The following RBMS1 variants were observed in gnomAD, a reference collection of about 807,000 sequenced individuals.
RBMS1 encodes RNA binding motif single stranded interacting protein 1.
In RBMS1, 17 loss-of-function variants were observed where a neutral mutation model predicts 62.3. The observed-to-expected ratio is 0.27, with a 90% CI of 0.19 to 0.41. The LOEUF (loss-of-function observed/expected upper bound fraction) is 0.41. Among genes scored for constraint, RBMS1 ranks in the 10% least tolerant of loss-of-function variants. The pLI, the probability that RBMS1 is intolerant of heterozygous loss-of-function variation, is 1.00. For synonymous variants in RBMS1, 172 were observed against 170.0 expected (o/e 1.01, Z -0.09); for missense variants, 334 against 504.5 (o/e 0.66, Z 3.24).
chr2:160,478,671 C>A (rs1685238435), intron 1 of RBMS1, among the ~76,000 whole-genome samples: 1 of 152,104 alleles, frequency 6.6e-6, no homozygotes, highest in Non-Finnish European at 1.5e-5. Context: ...ATCCCAATTT[C>A]TCCTGTATTT....
intron 1 of RBMS1, among the ~76,000 whole-genome samples, chr2:160,376,392 C>T (rs1048570068): frequency 1.3e-5 from 2 of 152,094 alleles, no homozygotes; most frequent in African/African-American, 4.8e-5. Flanking sequence ...TGCAATCTCC[C>T]CATAATAATA....
chr2:160,383,456 G>T (rs997009925), intron 1 of RBMS1, among the ~76,000 whole-genome samples: 4 of 148,232 alleles, frequency 2.7e-5, no homozygotes, highest in African/African-American at 9.8e-5. Flanking sequence ...CATGAATTGG[G>T]GGGGGGGGAA....
chr2:160,460,739 T>C (rs1340656316), intron 1 of RBMS1, among the ~76,000 whole-genome samples: 1 of 152,230 alleles, frequency 6.6e-6, no homozygotes, highest in Non-Finnish European at 1.5e-5. Flanking sequence ...CACTGATATA[T>C]CTTATTCTGG....
At chr2:160,388,317 C>T (rs1694686820) in intron 1 of RBMS1, among the ~76,000 whole-genome samples, 1 of 152,128 alleles carries the variant, frequency 6.6e-6, no homozygotes, top group South Asian at 2.1e-4. Context: ...TCCAGGTAAC[C>T]CAGATAGCCT....
intron 1 of RBMS1, among the ~76,000 whole-genome samples, chr2:160,394,211 A>G (rs1319242946): frequency 6.6e-6 from 1 of 152,202 alleles, no homozygotes; most frequent in Non-Finnish European, 1.5e-5. Context: ...ATAACAAAGG[A>G]TGATCAAGTG....
At chr2:160,339,677 CGTGT>C (rs1691763224) in intron 2 of RBMS1, among the ~76,000 whole-genome samples, 1 of 150,430 alleles carries the variant, frequency 6.6e-6, no homozygotes, top group African/African-American at 2.4e-5. Context: ...TCTTTACATA[CGTGT>C]GTGTGAGAGA....
intron 1 of RBMS1, among the ~76,000 whole-genome samples, chr2:160,406,968 T>C (rs1380816323): frequency 6.6e-6 from 1 of 152,080 alleles, no homozygotes; most frequent in Non-Finnish European, 1.5e-5. Context: ...CCTGTTTCTT[T>C]CTCTTTTTTT....
chr2:160,354,734 T>C (rs1243985078), intron 2 of RBMS1, among the ~76,000 whole-genome samples: 1 of 152,106 alleles, frequency 6.6e-6, no homozygotes, highest in Admixed American at 6.6e-5. Flanking sequence ...CATGTGACAC[T>C]TAACAGAGGC....
intron 2 of RBMS1, among the ~76,000 whole-genome samples, chr2:160,334,093 A>G (rs1691430821): frequency 6.6e-6 from 1 of 152,184 alleles, no homozygotes; most frequent in African/African-American, 2.4e-5. Context: ...ATTCTTTCTA[A>G]TGAGGAAATC....
At chr2:160,379,227 A>G (rs898201134) in intron 1 of RBMS1, among the ~76,000 whole-genome samples, 1 of 152,184 alleles carries the variant, frequency 6.6e-6, no homozygotes, top group African/African-American at 2.4e-5. Context: ...GTCTTAAAAA[A>G]AAAAAAAAAA....
At chr2:160,373,412 C>T (rs1693836045) in intron 1 of RBMS1, among the ~76,000 whole-genome samples, 1 of 152,130 alleles carries the variant, frequency 6.6e-6, no homozygotes. Context: ...CTTCCAGATC[C>T]CATCAAGACA....
At chr2:160,282,870 A>G (rs1009665164) in intron 9 of RBMS1, 5 of 152,322 alleles carry the variant, frequency 3.3e-5, no homozygotes, top group African/African-American at 1.2e-4. Flanking sequence ...CACTGACCCT[A>G]CTAGGTCCCT....
intron 1 of RBMS1, among the ~76,000 whole-genome samples, chr2:160,455,555 T>C (rs546519733): frequency 6.6e-6 from 1 of 152,324 alleles, no homozygotes; most frequent in Admixed American, 6.5e-5. Flanking sequence ...TACTATTTAC[T>C]GCTTGGGAGG....
At chr2:160,333,632 C>T (rs920596008) in intron 2 of RBMS1, among the ~76,000 whole-genome samples, 1 of 152,156 alleles carries the variant, frequency 6.6e-6, no homozygotes, top group African/African-American at 2.4e-5. Flanking sequence ...ATTTCCTAGA[C>T]CTAACTCCAA....
In RBMS1 at chr2:160,278,761, T is replaced by C. The variant is rs1687963141; in HGVS notation, c.952-103A>G. On this transcript the variant is annotated intron_variant, in intron 10 of 13. Coordinates refer to ENST00000348849, the MANE Select transcript of RBMS1 (RefSeq NM_016836.4). ...AAATACCTTAGTTTGTTTAAGAATG[T>C]GAAGCAAAAACAACCTTCCTCAATC... is the stretch of plus-strand genomic sequence containing the variant. 4 of 716,326 alleles carry C rather than the reference T, an allele frequency of 5.6e-6. No homozygotes were observed. The East Asian group carries it at 1.1e-4, about 20-fold the overall frequency. The allele number at this position is 716,326 out of a possible 1,614,324, so 44.4% of individuals were successfully genotyped here.
At chr2:160,299,948 T>G (rs187665491) in intron 6 of RBMS1, among the ~76,000 whole-genome samples, 52 of 152,288 alleles carry the variant, frequency 3.4e-4, no homozygotes, top group Admixed American at 1.5e-3. Context: ...AGGAGTGGTG[T>G]GCGTGAATTA....
intron 1 of RBMS1, among the ~76,000 whole-genome samples, chr2:160,399,005 C>T (rs1239848599): frequency 6.6e-6 from 1 of 152,190 alleles, no homozygotes; most frequent in Non-Finnish European, 1.5e-5. Flanking sequence ...AGCAAGCTTG[C>T]TCCTATTGAC....
At chr2:160,287,349 G>A (rs1046979323) in intron 6 of RBMS1, among the ~76,000 whole-genome samples, 1 of 152,162 alleles carries the variant, frequency 6.6e-6, no homozygotes, top group Non-Finnish European at 1.5e-5. Flanking sequence ...ACACTTAAGA[G>A]TAGACACATT....
At chr2:160,311,055 G>T (rs1245345037) in intron 4 of RBMS1, among the ~76,000 whole-genome samples, 1 of 151,548 alleles carries the variant, frequency 6.6e-6, no homozygotes, top group Admixed American at 6.6e-5. Flanking sequence ...TTATCCGGGT[G>T]TGGTGGCATG....
Sources: allele counts gnomAD v4.1 joint callset (sites outside exome capture counted in the v4.1 genomes callset), GRCh38; gene constraint gnomAD v4.1.1; transcripts MANE v1.5; gene names NCBI Gene and HGNC (gene_info 2026-07-23, HGNC 2026-07-21).